MRS2: variants seen among roughly 807,000 people sequenced by gnomAD.
MRS2 encodes magnesium transporter MRS2 homolog, mitochondrial.
MRS2 carries 40 observed loss-of-function variants against 52.6 expected under a neutral mutation model. That is an observed-to-expected ratio of 0.76 (90% CI 0.59 to 0.99). The LOEUF is 0.99. Ranked by LOEUF, MRS2 falls within the 50% of genes least tolerant of loss-of-function variation. The pLI, the probability that MRS2 is intolerant of heterozygous loss-of-function variation, is 0.00. For synonymous variants in MRS2, 193 were observed against 195.9 expected, an observed-to-expected ratio of 0.98 and a Z score of 0.13; for missense variants, 472 against 532.7, an observed-to-expected ratio of 0.89 and a Z score of 1.12.
At chr6:24,408,159 C>G (rs1561806744) in intron 2 of MRS2, among the ~76,000 whole-genome samples, 1 of 152,082 alleles carries the variant, frequency 6.6e-6, no homozygotes, top group Non-Finnish European at 1.5e-5. Context: ...TATCAACTTT[C>G]TAGAGGAACC....
intron 9 of MRS2, among the ~76,000 whole-genome samples, chr6:24,420,782 T>C (rs923301890): frequency 2.6e-5 from 4 of 152,098 alleles, no homozygotes; most frequent in Middle Eastern, 3.4e-3. Context: ...GAAGTAAAGA[T>C]TGAGGCAGGA....
chr6:24,418,782 C>A, intron 9 of MRS2: 1 of 401,770 alleles, frequency 2.5e-6, no homozygotes, highest in Non-Finnish European at 4.7e-6. Context: ...ACCTGTAATC[C>A]CAGCTACTTG....
chr6:24,405,041 C>T, intron 1 of MRS2, 127 bp from the exon 2 acceptor site: 1 of 599,136 alleles, frequency 1.7e-6, no homozygotes. Flanking sequence ...TTCTTCTTTT[C>T]TTATAGGAAA....
chr6:24,416,255 C>CTTTT (rs35657958), intron 6 of MRS2, 142 bp from the exon 7 acceptor site: 211 of 396,078 alleles, frequency 5.3e-4, no homozygotes, highest in South Asian at 1.2e-3. Context: ...AAATACTCAA[C>CTTTT]TTTTTTTTTT....
intron 5 of MRS2, among the ~76,000 whole-genome samples, chr6:24,414,786 T>C (rs565442800): frequency 4.5e-4 from 68 of 152,260 alleles, no homozygotes; most frequent in African/African-American, 1.5e-3. Flanking sequence ...GGAGAAAGAC[T>C]CTTACGAGAG....
chr6:24,405,416 A>G (rs1313005987), intron 2 of MRS2, among the ~76,000 whole-genome samples, 175 bp downstream of exon 2: 1 of 152,214 alleles, frequency 6.6e-6, no homozygotes, highest in Non-Finnish European at 1.5e-5. Context: ...TTGCTTAACA[A>G]TGATCTTGAA....
intron 4 of MRS2, among the ~76,000 whole-genome samples, chr6:24,411,255 C>T (rs1761640488): frequency 6.6e-6 from 1 of 151,368 alleles, no homozygotes; most frequent in South Asian, 2.1e-4. Flanking sequence ...AGAAAATTAT[C>T]TCTAATTTCT....
At position 24,418,586 on chromosome 6, in the gene MRS2, T is replaced by G. The variant is rs751148952; in HGVS notation, c.1107+8T>G. The G allele has an allele frequency of 6.9e-6, 11 of 1,596,320 alleles. No individual in the cohort carries two copies. In the African/African-American group the frequency reaches 1.5e-4, roughly 21 times the overall value. ...GAATCTTCCCTTGAAGAGGTGAGAA[T>G]GTATTATTATTTCTAAAACTTGGGG... On this transcript the variant is annotated splice_region_variant and intron_variant, in intron 9 of 10. Coordinates refer to ENST00000378386, the MANE Select transcript of MRS2 (RefSeq NM_020662.4).
Position 24,423,611 on chromosome 6 carries a change from C to T in MRS2, c.1249C>T (p.Leu417=), listed in dbSNP as rs547938186. The stretch of plus-strand genomic sequence containing the variant: ...GGCTTCTTTACCTAAAAAGACTCTT[C>T]TGGCAGATAGAAGCATGGAATTGAA... ...MMASLPKKTL[L]ADRSMELKNS... The change falls in exon 11 of 11, where the codon CTG becomes TTG. Residue 417 remains leucine (L), a synonymous_variant. Coordinates refer to ENST00000378386, the MANE Select transcript of MRS2 (RefSeq NM_020662.4). 1.0e-4 allele frequency: 165 copies of T among 1,609,180 alleles called. 1 individual carries two copies. The East Asian group carries it at 3.6e-3, about 35-fold the overall frequency.
At chr6:24,403,352 C>T in intron 1 of MRS2, 116 bp downstream of exon 1, 1 of 1,042,744 alleles carries the variant, frequency 9.6e-7, no homozygotes, top group Non-Finnish European at 1.3e-6. Flanking sequence ...CAGGCCTCGG[C>T]CTCCCGCGTG....
At chr6:24,406,083 A>G (rs529383546) in intron 2 of MRS2, among the ~76,000 whole-genome samples, 2 of 142,550 alleles carry the variant, frequency 1.4e-5, no homozygotes, top group African/African-American at 5.2e-5. Context: ...CCAGCCTGGC[A>G]GACAGAGTGA....
Position 24,402,981 on chromosome 6 carries a change from C to T in MRS2, c.-66C>T. On this transcript the variant is annotated 5_prime_UTR_variant, in exon 1 of 11. Coordinates refer to ENST00000378386, the MANE Select transcript of MRS2 (RefSeq NM_020662.4). ...GGTAGCGACAGGTCAGAGCTGCGGCCTGAGCAGCCAGCGTCCGGCATGAAG... is the reference window on the plus strand; with the variant it reads ...GGTAGCGACAGGTCAGAGCTGCGGCTTGAGCAGCCAGCGTCCGGCATGAAG... The T allele has an allele frequency of 6.2e-6, 9 of 1,454,032 alleles. No homozygotes were observed. Among genetic ancestry groups the T allele is most frequent in the South Asian group, 4.0e-5 (3 of 74,126 alleles). 90.1% of individuals were successfully genotyped at this position (1,454,032 alleles called of 1,614,324 possible). A position where few individuals can be genotyped will look rare whatever the true frequency, so the allele number is the denominator to read the frequency against.
At chr6:24,409,635 C>A in intron 4 of MRS2, 62 bp downstream of exon 4, 1 of 1,039,586 alleles carries the variant, frequency 9.6e-7, no homozygotes, top group South Asian at 1.5e-5. Flanking sequence ...TACCTTCTAA[C>A]TATCTTGATT....
At chr6:24,407,606 T>C (rs1227631744) in intron 2 of MRS2, among the ~76,000 whole-genome samples, 1 of 152,140 alleles carries the variant, frequency 6.6e-6, no homozygotes, top group Non-Finnish European at 1.5e-5. Context: ...AATAGGTGCA[T>C]TTTCTGTATC....
intron 9 of MRS2, among the ~76,000 whole-genome samples, chr6:24,421,129 A>ATGTT (rs1762029272): frequency 1.3e-5 from 2 of 152,200 alleles, no homozygotes; most frequent in African/African-American, 4.8e-5. Flanking sequence ...ATACATAATC[A>ATGTT]TGTTTATGTA....
Position 24,416,437 on chromosome 6 carries a change from T to A in MRS2, c.760T>A (p.Ser254Thr). The change falls in exon 7 of 11, where the codon TCA (serine) becomes ACA (threonine). Residue 254 changes from serine (S) to threonine (T), a missense_variant. Coordinates refer to ENST00000378386, the MANE Select transcript of MRS2 (RefSeq NM_020662.4). ...LETDIKIFKE[S>T]ILEILDEEEL... ...AACAGATATTAAAATTTTCAAAGAGTCAATTTTGGAGATCTTGGATGAGGA... is the reference window on the plus strand; with the variant it reads ...AACAGATATTAAAATTTTCAAAGAGACAATTTTGGAGATCTTGGATGAGGA... 6.3e-7 allele frequency: 1 copy of A among 1,597,074 alleles called. No homozygotes were observed.
Position 24,405,217 on chromosome 6 carries a change from C to T in MRS2, c.240C>T (p.Ala80=), listed in dbSNP as rs758471512. The T allele has an allele frequency of 6.2e-7, 1 of 1,613,698 alleles. No homozygotes were observed. The highest frequency in any genetic ancestry group is 8.5e-7 in the Non-Finnish European group (1 of 1,179,606). Residue 80 remains alanine, a synonymous_variant, in exon 2 of 11, where the codon GCC becomes GCT. Transcript: ENST00000378386. Reference sequence around the variant, plus strand: ...CTGACGTCTCTCAAGCCACTTTAGCCAGTGTAGCCCCAGTATTTACTGTGG... The same window carrying T: ...CTGACGTCTCTCAAGCCACTTTAGCTAGTGTAGCCCCAGTATTTACTGTGG... The part of the protein sequence containing the change: ...RTSDVSQATL[A]SVAPVFTVTK...
intron 9 of MRS2, among the ~76,000 whole-genome samples, chr6:24,422,510 A>G (rs1017078504): frequency 3.3e-5 from 5 of 152,114 alleles, no homozygotes; most frequent in African/African-American, 1.2e-4. Flanking sequence ...TATGTTACAG[A>G]TTCCTTTATG....
rs1390375196 is a variant in MRS2, at chr6:24,424,545, G to A, written c.*851G>A. On this transcript the variant is annotated 3_prime_UTR_variant, in exon 11 of 11. Transcript: ENST00000378386. ...TCCTAAAACATGAGGATGAATAAAT[G>A]TTAGAACTGTGATATCTTCTCATTT... 1 of 152,184 alleles carries A rather than the reference G, an allele frequency of 6.6e-6. No individual in the cohort carries two copies. Among genetic ancestry groups the A allele is most frequent in the Non-Finnish European group, 1.5e-5 (1 of 68,044 alleles). The allele number at this position is 152,184 out of a possible 1,614,324, so 9.4% of individuals were successfully genotyped here.
Sources: gnomAD v4.1 joint callset for allele counts (sites outside exome capture counted in the v4.1 genomes callset) on GRCh38, gnomAD v4.1.1 for gene constraint, MANE v1.5 for transcripts, NCBI Gene and HGNC (gene_info 2026-07-23, HGNC 2026-07-21) for gene names.